Variants in MOK observed in about 807,000 individuals in gnomAD.
MOK encodes the protein MOK protein kinase.
In MOK, 59 loss-of-function variants were observed where a neutral mutation model predicts 54.2. The observed-to-expected ratio is 1.09, with a 90% confidence interval of 0.88 to 1.35. MOK has a LOEUF of 1.35. Ranked by LOEUF, MOK falls within the 40% of genes most tolerant of loss-of-function variation. MOK has a pLI of 0.00. For synonymous variants in MOK, 210 were observed against 202.7 expected, an observed-to-expected ratio of 1.04 and a Z score of -0.31; for missense variants, 517 against 526.2, an observed-to-expected ratio of 0.98 and a Z score of 0.17.
intron 2 of MOK, among the ~76,000 whole-genome samples, chr14:102,274,987 A>G (rs935265486): frequency 7.9e-5 from 12 of 151,972 alleles, no homozygotes; most frequent in South Asian, 2.1e-4. Flanking sequence ...AAAAAAAAAA[A>G]AAGAAGAAGA....
chr14:102,229,178 C>G lies in MOK; in HGVS notation c.*111G>C. 1 of 1,195,296 alleles carries G rather than the reference C, an allele frequency of 8.4e-7. No individual in the cohort carries two copies. The highest frequency in any genetic ancestry group is 1.2e-6 in the Non-Finnish European group (1 of 861,282). 74.0% of individuals were successfully genotyped at this position (1,195,296 alleles called of 1,614,324 possible). A position where few individuals can be genotyped will look rare whatever the true frequency, so the allele number is the denominator to read the frequency against. On this transcript the variant is annotated 3_prime_UTR_variant, in exon 12 of 12. Coordinates refer to ENST00000361847, the MANE Select transcript of MOK (RefSeq NM_014226.3). ...ACCCAGAGCCCCGGCCAGCGCGAAA[C>G]GGACGCAGGCGCATCCCCAGCCCTC...
At chr14:102,274,746 A>T (rs2068694493) in intron 2 of MOK, among the ~76,000 whole-genome samples, 1 of 150,848 alleles carries the variant, frequency 6.6e-6, no homozygotes, top group Admixed American at 6.6e-5. Context: ...AGGACGAGGC[A>T]GGCGGATCAC....
chr14:102,297,683 A>C (rs1224626336), intron 1 of MOK, among the ~76,000 whole-genome samples: 1 of 151,978 alleles, frequency 6.6e-6, no homozygotes, highest in African/African-American at 2.4e-5. Context: ...CGAGGTGTGG[A>C]GGGAGAGGTG....
At chr14:102,224,482 A>C (rs930256379), downstream of MOK, 1 of 412,874 alleles carries the variant, frequency 2.4e-6, no homozygotes, top group Admixed American at 3.1e-5. Flanking sequence ...TTTTTTTAAA[A>C]AATCATATAC....
rs146419516 is a variant in MOK at position 102,286,016 on chromosome 14, C to T, written c.8-2424G>A. Among the ~76,000 whole-genome samples the T allele has an allele frequency of 1.7e-3, 251 of 151,746 alleles. 2 individuals are homozygous for T. Among genetic ancestry groups the T allele is most frequent in the East Asian group, 0.016 (82 of 5,084 alleles). ...CTATTAAATCTTTAAGATGTGCATC[C>T]GGGCCGGGCGCGGTGGCTCACGCCT... On this transcript the variant is annotated intron_variant, in intron 1 of 11. Transcript: ENST00000361847.
chr14:102,233,656 G>T, intron 8 of MOK, 32 bp downstream of exon 8: 1 of 1,555,208 alleles, frequency 6.4e-7, no homozygotes, highest in South Asian at 1.1e-5. Context: ...AGGGGAGTGG[G>T]TCCACATCCA....
Position 102,263,622 on chromosome 14 carries a change from G to A in MOK, c.213-6C>T. ...GAGAACCAGATTTTCTGTCACTGAA[G>A]AAGAAAGCAAGTTTTTAAAATAAAT... On this transcript the variant is annotated splice_region_variant and splice_polypyrimidine_tract_variant and intron_variant, in intron 3 of 11. Coordinates refer to ENST00000361847, the MANE Select transcript of MOK (RefSeq NM_014226.3). 1.3e-6 allele frequency: 2 copies of A among 1,591,524 alleles called. No homozygotes were observed. The highest frequency in any genetic ancestry group is 1.7e-6 in the Non-Finnish European group (2 of 1,170,070).
chr14:102,235,315 G>A lies in MOK; in HGVS notation c.591-1526C>T, dbSNP rs2065124817. 1 of 152,222 alleles carries A rather than the reference G, an allele frequency of 6.6e-6. No individual in the cohort carries two copies. Among genetic ancestry groups the A allele is most frequent in the Non-Finnish European group, 1.5e-5 (1 of 68,052 alleles). The allele number at this position is 152,222 out of a possible 1,614,324, so 9.4% of individuals were successfully genotyped here. A position where few individuals can be genotyped will look rare whatever the true frequency, so the allele number is the denominator to read the frequency against. On this transcript the variant is annotated intron_variant, in intron 7 of 11. Coordinates refer to ENST00000361847, the MANE Select transcript of MOK (RefSeq NM_014226.3). This position sits in a 1 kb window ranked among gnomAD's most constrained non-coding sequence, Gnocchi z 4.4. ...AACGTCCAGGTTCTTCTCCGATCCCGACACTTACATCAAATAATTTAAATA... is the reference window on the plus strand; with the variant it reads ...AACGTCCAGGTTCTTCTCCGATCCCAACACTTACATCAAATAATTTAAATA...
At chr14:102,277,009 T>C (rs1709238630) in intron 2 of MOK, among the ~76,000 whole-genome samples, 1 of 144,940 alleles carries the variant, frequency 6.9e-6, no homozygotes, top group Admixed American at 6.9e-5. Context: ...CACTATGCCC[T>C]GGTCTTTTTT....
In MOK at chr14:102,245,069, T is replaced by G. The variant is rs1396135293; in HGVS notation, c.590+5743A>C. Reference sequence around the variant, plus strand: ...AGTCCTGGGTCCTCCCAATTCTTAGTCCTTTAATACCTGTTTTTCTCCTTC... The same window carrying G: ...AGTCCTGGGTCCTCCCAATTCTTAGGCCTTTAATACCTGTTTTTCTCCTTC... On this transcript the variant is annotated intron_variant, in intron 7 of 11. Coordinates refer to ENST00000361847, the MANE Select transcript of MOK (RefSeq NM_014226.3). This position sits in a 1 kb window ranked among gnomAD's most constrained non-coding sequence, Gnocchi z 4.3. Among the ~76,000 whole-genome samples, 2 of 152,146 alleles carry G rather than the reference T, an allele frequency of 1.3e-5. No individual in the cohort carries two copies. Among genetic ancestry groups the G allele is most frequent in the East Asian group, 3.9e-4 (2 of 5,186 alleles).
chr14:102,219,156 G>A, the MOK span, among the ~76,000 whole-genome samples: 37 of 152,302 alleles, frequency 2.4e-4, no homozygotes, highest in East Asian at 5.8e-4. Context: ...TCTGTTTCTC[G>A]TCTTCCTCTT....
At chr14:102,215,760 G>A in the MOK span, among the ~76,000 whole-genome samples, 126 of 152,288 alleles carry the variant, frequency 8.3e-4, no homozygotes, top group African/African-American at 2.5e-3. Flanking sequence ...CAGGCCCGTC[G>A]TCGGTGCAGA....
chr14:102,259,368 C>T (rs1386895503), intron 4 of MOK, among the ~76,000 whole-genome samples: 1 of 152,206 alleles, frequency 6.6e-6, no homozygotes, highest in Non-Finnish European at 1.5e-5. Flanking sequence ...CATCAATAAC[C>T]GTAAATAATT....
intron 2 of MOK, among the ~76,000 whole-genome samples, chr14:102,275,516 A>G (rs967986724): frequency 6.0e-5 from 9 of 150,140 alleles, no homozygotes; most frequent in African/African-American, 2.0e-4. Flanking sequence ...GTGAGCAGAG[A>G]TAGCGCCACT....
At chr14:102,250,734 T>C (rs2066458242) in intron 7 of MOK, 78 bp downstream of exon 7, 2 of 1,364,460 alleles carry the variant, frequency 1.5e-6, no homozygotes, top group African/African-American at 1.5e-5. Flanking sequence ...GACATCTGGA[T>C]TGTAAAGGAA....
At chr14:102,290,914 C>T (rs779825591) in intron 1 of MOK, among the ~76,000 whole-genome samples, 1 of 152,120 alleles carries the variant, frequency 6.6e-6, no homozygotes, top group Non-Finnish European at 1.5e-5. Context: ...CCAGAGAACA[C>T]CAGTTAACAT....
intron 3 of MOK, among the ~76,000 whole-genome samples, chr14:102,265,393 A>T (rs2153137314): frequency 6.6e-6 from 1 of 152,310 alleles, no homozygotes; most frequent in Middle Eastern, 3.4e-3. Flanking sequence ...GCATTTTGGG[A>T]GACCAAGGTG....
downstream of MOK, chr14:102,222,993 G>T: frequency 7.5e-7 from 1 of 1,338,386 alleles, no homozygotes; most frequent in South Asian, 1.2e-5. This position sits in a 1 kb window ranked among gnomAD's most constrained non-coding sequence, Gnocchi z 4.4. Context: ...TCAGGCGGTG[G>T]ACGTCGGCGA....
At chr14:102,303,618 G>T (rs1401095690) in intron 1 of MOK, among the ~76,000 whole-genome samples, 1 of 152,224 alleles carries the variant, frequency 6.6e-6, no homozygotes, top group Non-Finnish European at 1.5e-5. Flanking sequence ...GTGTATCAGA[G>T]TATTGTATCA....
Sources: allele counts gnomAD v4.1 joint callset (sites outside exome capture counted in the v4.1 genomes callset), GRCh38; gene constraint gnomAD v4.1.1; non-coding constraint Gnocchi (gnomAD v3.1); transcripts MANE v1.5; gene names NCBI Gene and HGNC (gene_info 2026-07-23, HGNC 2026-07-21).